C9orf85: variants seen among roughly 807,000 people sequenced by gnomAD.
C9orf85 encodes chromosome 9 open reading frame 85.
In C9orf85, 16 loss-of-function variants were observed where a neutral mutation model predicts 14.9. The observed-to-expected ratio is 1.08, with a 90% CI of 0.73 to 1.63. C9orf85 has a LOEUF of 1.63. Among genes scored for constraint, C9orf85 ranks in the 40% most tolerant of loss-of-function variants. C9orf85 has a pLI of 0.00. For missense variants in C9orf85, 172 were observed against 186.1 expected, an observed-to-expected ratio of 0.92 and a Z score of 0.44; for synonymous variants, 45 against 56.8, an observed-to-expected ratio of 0.79 and a Z score of 0.93.
intron 2 of C9orf85, among the ~76,000 whole-genome samples, chr9:71,963,680 C>T (rs906340843): frequency 1.3e-5 from 2 of 152,236 alleles, no homozygotes; most frequent in African/African-American, 4.8e-5. Context: ...GCTTAGCACC[C>T]AGGCCAGCGG....
At chr9:71,969,981 G>A (rs1056497843) in intron 2 of C9orf85, among the ~76,000 whole-genome samples, 68 of 144,496 alleles carry the variant, frequency 4.7e-4, no homozygotes, top group Non-Finnish European at 7.5e-5. Context: ...TTTCACTCTT[G>A]TCGCCCAGGC....
chr9:71,983,555 A>T (rs1008017972), downstream of C9orf85: 17 of 152,208 alleles, frequency 1.1e-4, no homozygotes, highest in African/African-American at 3.6e-4. Flanking sequence ...CCTGGTATTG[A>T]CAGAGGTTTG....
At chr9:71,927,266 CAAAAAAAAA>C (rs61679762) in intron 1 of C9orf85, among the ~76,000 whole-genome samples, 1 of 106,778 alleles carries the variant, frequency 9.4e-6, no homozygotes, top group South Asian at 3.1e-4. Flanking sequence ...GAAAGTTTGT[CAAAAAAAAA>C]AAAAAAAAAA....
chr9:71,918,758 C>T (rs1827718778), intron 1 of C9orf85, among the ~76,000 whole-genome samples: 1 of 152,198 alleles, frequency 6.6e-6, no homozygotes, highest in Admixed American at 6.5e-5. Flanking sequence ...TGTCTCCCAT[C>T]ACCCCCAGAT....
At chr9:71,952,045 T>C (rs1822256616) in intron 2 of C9orf85, among the ~76,000 whole-genome samples, 2 of 152,154 alleles carry the variant, frequency 1.3e-5, no homozygotes, top group Non-Finnish European at 2.9e-5. Flanking sequence ...CCTCAAGCAG[T>C]GCAAGGCCAG....
chr9:71,942,541 T>C (rs955650178), intron 1 of C9orf85, among the ~76,000 whole-genome samples: 1 of 152,190 alleles, frequency 6.6e-6, no homozygotes, highest in South Asian at 2.1e-4. Context: ...TTTTGTAAGA[T>C]ACTTTATGTC....
At chr9:71,981,121 G>A (rs532838618) in intron 3 of C9orf85, among the ~76,000 whole-genome samples, 5 of 152,172 alleles carry the variant, frequency 3.3e-5, no homozygotes, top group Non-Finnish European at 7.3e-5. Flanking sequence ...TCTCTGCAAG[G>A]TCATGAACAT....
intron 1 of C9orf85, among the ~76,000 whole-genome samples, chr9:71,938,616 AAAG>A (rs146810666): frequency 0.013 from 1,956 of 152,096 alleles, 43 homozygotes; most frequent in African/African-American, 0.044. Context: ...GAAGCTTAAT[AAAG>A]AAGTAGTACA....
chr9:71,931,610 G>A (rs1326476213), intron 1 of C9orf85, among the ~76,000 whole-genome samples: 1 of 152,214 alleles, frequency 6.6e-6, no homozygotes, highest in African/African-American at 2.4e-5. Flanking sequence ...TTTGGTAGAT[G>A]TGTGATCTTG....
At chr9:71,964,498 AAAC>A (rs1822630791) in intron 2 of C9orf85, among the ~76,000 whole-genome samples, 1 of 152,078 alleles carries the variant, frequency 6.6e-6, no homozygotes, top group Admixed American at 6.5e-5. Flanking sequence ...CGGGAGCAAT[AAAC>A]AACTCCAGAC....
intron 2 of C9orf85, among the ~76,000 whole-genome samples, chr9:71,963,686 A>G (rs1822594810): frequency 6.6e-6 from 1 of 152,196 alleles, no homozygotes; most frequent in Non-Finnish European, 1.5e-5. Context: ...CACCCAGGCC[A>G]GCGGCTGCAG....
chr9:71,922,005 A>T (rs973892433), intron 1 of C9orf85, among the ~76,000 whole-genome samples: 4 of 151,776 alleles, frequency 2.6e-5, no homozygotes, highest in African/African-American at 4.8e-5. Flanking sequence ...TAGTGGCGCA[A>T]TCTTGGCTCA....
intron 1 of C9orf85, among the ~76,000 whole-genome samples, chr9:71,917,724 ATC>A (rs544035042): frequency 1.7e-3 from 257 of 152,356 alleles, no homozygotes; most frequent in African/African-American, 5.9e-3. Context: ...ATGTGATTCC[ATC>A]TATAGAGACC....
chr9:71,970,813 A>G (rs543329598), intron 2 of C9orf85, among the ~76,000 whole-genome samples: 2 of 140,830 alleles, frequency 1.4e-5, no homozygotes, highest in Non-Finnish European at 3.0e-5. Context: ...TCTTCTCAAT[A>G]TTCTCAATAT....
At chr9:71,960,590 T>C (rs1328006571) in intron 2 of C9orf85, among the ~76,000 whole-genome samples, 1 of 152,228 alleles carries the variant, frequency 6.6e-6, no homozygotes, top group Non-Finnish European at 1.5e-5. Context: ...TTTTGTTTTT[T>C]GAGACAGAGT....
At position 71,947,131 on chromosome 9, in the gene C9orf85, T is replaced by C. The variant is rs541658757; in HGVS notation, c.209+19T>C. ...AAAAGTGGTGAGTTAAGATTCTTCA[T>C]TACCTTACTTGGTGGTATATGTATC... On this transcript the variant is annotated intron_variant, in intron 2 of 3. Coordinates refer to ENST00000334731, the MANE Select transcript of C9orf85 (RefSeq NM_182505.5). 2.0e-6 allele frequency: 3 copies of C among 1,487,020 alleles called. No homozygotes were observed. In the South Asian group the frequency reaches 3.4e-5, roughly 17 times the overall value. The allele number at this position is 1,487,020 out of a possible 1,614,324, so 92.1% of individuals were successfully genotyped here. A position where few individuals can be genotyped will look rare whatever the true frequency, so the allele number is the denominator to read the frequency against.
intron 3 of C9orf85, among the ~76,000 whole-genome samples, chr9:71,981,341 C>T (rs894461982): frequency 2.6e-5 from 4 of 152,216 alleles, no homozygotes; most frequent in African/African-American, 9.7e-5. Flanking sequence ...AAATTTTGCC[C>T]ACACATGGGA....
chr9:71,955,999 A>G (rs1042146217), intron 2 of C9orf85, among the ~76,000 whole-genome samples: 1 of 152,212 alleles, frequency 6.6e-6, no homozygotes, highest in Non-Finnish European at 1.5e-5. Context: ...AAAAGGAAAA[A>G]TAAATGGATA....
At chr9:71,939,223 C>T (rs1828272285) in intron 1 of C9orf85, among the ~76,000 whole-genome samples, 1 of 151,546 alleles carries the variant, frequency 6.6e-6, no homozygotes, top group Admixed American at 6.6e-5. Context: ...GTATGATTTT[C>T]TTATGTGTGA....
Sources: allele counts gnomAD v4.1 joint callset (sites outside exome capture counted in the v4.1 genomes callset), GRCh38; gene constraint gnomAD v4.1.1; transcripts MANE v1.5; gene names NCBI Gene and HGNC (gene_info 2026-07-23, HGNC 2026-07-21).